Variants in NBEAL1 observed in about 807,000 individuals in gnomAD.
NBEAL1 encodes the protein neurobeachin like 1.
NBEAL1 carries 273 observed loss-of-function variants against 351.3 expected under a neutral mutation model. That is an observed-to-expected ratio of 0.78 (90% CI 0.70 to 0.86). The LOEUF is 0.86. Among genes scored for constraint, NBEAL1 ranks in the 40% least tolerant of loss-of-function variants. The pLI, the probability that NBEAL1 is intolerant of heterozygous loss-of-function variation, is 0.00. For synonymous variants in NBEAL1, 1,050 were observed against 1,086.4 expected (o/e 0.97, Z 0.66); for missense variants, 2,961 against 3,201.3 (o/e 0.92, Z 1.81).
chr2:203,054,181 T>A (rs921094028), intron 4 of NBEAL1, among the ~76,000 whole-genome samples: 4 of 152,128 alleles, frequency 2.6e-5, no homozygotes, highest in African/African-American at 9.7e-5. Flanking sequence ...ATCCCAGCAC[T>A]TTGGGAGGCT....
At chr2:203,115,960 GTA>G in intron 17 of NBEAL1, 23 bp from the exon 18 acceptor site, 1 of 1,452,572 alleles carries the variant, frequency 6.9e-7, no homozygotes, top group African/African-American at 1.4e-5. Flanking sequence ...TCAATGGTGT[GTA>G]TGTGTGTGTA....
At position 203,225,114 on chromosome 2, in the gene NBEAL1, A is replaced by G. The variant is rs2065993859; in HGVS notation, c.*7760A>G. Among the ~76,000 whole-genome samples the G allele has an allele frequency of 6.6e-6, 1 of 152,316 alleles. No individual in the cohort carries two copies. The highest frequency in any genetic ancestry group is 1.9e-4 in the East Asian group (1 of 5,194). ...ATTCTAATACTTTTTAAGAATGTCC[A>G]TTTATTTTGTACATAATAAATTAGC... On this transcript the variant is annotated 3_prime_UTR_variant, in exon 56 of 56. Coordinates refer to ENST00000683969, the MANE Select transcript of NBEAL1 (RefSeq NM_001378026.1).
intron 10 of NBEAL1, among the ~76,000 whole-genome samples, chr2:203,096,864 A>G (rs1337014164): frequency 6.6e-6 from 1 of 152,122 alleles, no homozygotes; most frequent in African/African-American, 2.4e-5. Flanking sequence ...TAACTATAGA[A>G]CCATACTGGG....
chr2:203,161,663 A>G lies in NBEAL1; in HGVS notation c.5714+3838A>G, dbSNP rs1017782805. 2.0e-4 allele frequency among the ~76,000 whole-genome samples: 30 copies of G among 150,010 alleles called. No individual in the cohort carries two copies. In the South Asian group the frequency reaches 4.5e-3, roughly 22 times the overall value. ...AATAAATAAATAAATAAATAAATAA[A>G]TAAATAAATAAATAAATAAAAGCCA... On this transcript the variant is annotated intron_variant, in intron 36 of 55. Transcript: ENST00000683969.
rs1261902234 is a variant in NBEAL1, at chr2:203,217,567, C to T, written c.*213C>T. ...ATTTGATTTGATTTTGTGGCCCATT[C>T]CTAAAGGTCATTGTATCCATTTTTA... On this transcript the variant is annotated 3_prime_UTR_variant, in exon 56 of 56. Coordinates refer to ENST00000683969, the MANE Select transcript of NBEAL1 (RefSeq NM_001378026.1). The T allele has an allele frequency of 1.7e-6, 2 of 1,151,430 alleles. No individual in the cohort carries two copies. Among genetic ancestry groups the T allele is most frequent in the African/African-American group, 3.2e-5 (2 of 62,484 alleles). 71.3% of individuals were successfully genotyped at this position (1,151,430 alleles called of 1,614,324 possible). A position where few individuals can be genotyped will look rare whatever the true frequency, so the allele number is the denominator to read the frequency against.
chr2:203,105,929 CCCTT>C (rs2106226818), intron 12 of NBEAL1, among the ~76,000 whole-genome samples: 2 of 152,184 alleles, frequency 1.3e-5, no homozygotes, highest in East Asian at 3.9e-4. Context: ...AAAATAATGA[CCCTT>C]TATTTAGTCA....
Position 203,213,631 on chromosome 2 carries a change from TG to T in NBEAL1, c.8051del (p.Gly2684ValfsTer49), listed in dbSNP as rs2065848161. The T allele has an allele frequency of 6.2e-7, 1 of 1,613,882 alleles. No individual in the cohort carries two copies. Among genetic ancestry groups the T allele is most frequent in the Non-Finnish European group, 8.5e-7 (1 of 1,179,974 alleles). ...VGLEDGKLIV[V>X]GVGKPAEMRS... is the part of the protein sequence containing the mutation. ...TTAGAAGATGGCAAATTGATTGTAG[TG>T]GGTGTTGGCAAGCCTGCTGAGGTAA... On this transcript the variant is annotated frameshift_variant, in exon 55 of 56. Transcript: ENST00000683969. LOFTEE classifies it high-confidence loss of function.
At chr2:203,118,306 A>G (rs2062746326) in intron 18 of NBEAL1, among the ~76,000 whole-genome samples, 1 of 152,276 alleles carries the variant, frequency 6.6e-6, no homozygotes, top group Middle Eastern at 3.4e-3. Flanking sequence ...TCTGTGTTCA[A>G]ATTTTTCCAA....
intron 10 of NBEAL1, among the ~76,000 whole-genome samples, chr2:203,088,851 G>A (rs1334198986): frequency 1.3e-5 from 2 of 152,272 alleles, no homozygotes; most frequent in East Asian, 3.9e-4. Flanking sequence ...AACAAGGGAT[G>A]GAGAGTTCCT....
Position 203,208,782 on chromosome 2 carries a change from T to C in NBEAL1, c.7623+29T>C, listed in dbSNP as rs765823624. The C allele has an allele frequency of 1.2e-5, 18 of 1,474,604 alleles. No homozygotes were observed. The East Asian group carries it at 3.9e-4, about 32-fold the overall frequency. 91.3% of individuals were successfully genotyped at this position (1,474,604 alleles called of 1,614,324 possible). On this transcript the variant is annotated intron_variant, in intron 52 of 55. Transcript: ENST00000683969. The stretch of plus-strand genomic sequence containing the variant: ...AGATTTCACCTTTAAGAAATACTAT[T>C]TATTTTGTCTACAAATTTATTACCA...
chr2:203,194,253 A>G (rs2065174843), intron 47 of NBEAL1, among the ~76,000 whole-genome samples: 1 of 152,218 alleles, frequency 6.6e-6, no homozygotes, highest in Admixed American at 6.5e-5. Flanking sequence ...ATGTCTGCTC[A>G]TATATAAAAT....
chr2:203,201,894 A>G (rs929493918), intron 50 of NBEAL1, among the ~76,000 whole-genome samples, 179 bp downstream of exon 50: 1 of 152,138 alleles, frequency 6.6e-6, no homozygotes, highest in Non-Finnish European at 1.5e-5. Flanking sequence ...TATTTTGGGT[A>G]TAATAAAGCA....
At position 203,190,467 on chromosome 2, in the gene NBEAL1, A is replaced by G. The variant is rs1414630738; in HGVS notation, c.6921+78A>G. 5.1e-6 allele frequency: 5 copies of G among 985,166 alleles called. No individual in the cohort carries two copies. In the South Asian group the frequency reaches 6.0e-5, roughly 12 times the overall value. The allele number at this position is 985,166 out of a possible 1,614,324, so 61.0% of individuals were successfully genotyped here. On this transcript the variant is annotated intron_variant, in intron 46 of 55. Coordinates refer to ENST00000683969, the MANE Select transcript of NBEAL1 (RefSeq NM_001378026.1). ...AGTACATAACAAAATATTGCAGTCA[A>G]GATCCATGTATATAGCCAGTTACTC...
chr2:203,074,455 G>A (rs1574933444), intron 7 of NBEAL1, among the ~76,000 whole-genome samples: 1 of 151,206 alleles, frequency 6.6e-6, no homozygotes, highest in Non-Finnish European at 1.5e-5. Context: ...AGCCTCTCGA[G>A]TAGCTGGGAT....
chr2:203,195,055 G>A (rs2065201161), intron 47 of NBEAL1, among the ~76,000 whole-genome samples: 1 of 151,752 alleles, frequency 6.6e-6, no homozygotes, highest in South Asian at 2.1e-4. Flanking sequence ...AAAATTAGCA[G>A]GGCATGGTGG....
At chr2:203,057,841 TTTTTTGTC>T (rs1456865463) in intron 6 of NBEAL1, among the ~76,000 whole-genome samples, 5 of 150,472 alleles carry the variant, frequency 3.3e-5, no homozygotes, top group East Asian at 3.9e-4. Context: ...TTTTTTTTGT[TTTTTTGTC>T]TTTTTGAGAC....
intron 10 of NBEAL1, 116 bp downstream of exon 10, chr2:203,084,685 T>G (rs533789412): frequency 2.0e-6 from 1 of 503,722 alleles, no homozygotes; most frequent in African/African-American, 2.0e-5. Flanking sequence ...TGTTTGCATT[T>G]AATTACATAA....
At chr2:203,077,577 G>A (rs2061798869) in intron 7 of NBEAL1, among the ~76,000 whole-genome samples, 175 bp from the exon 8 acceptor site, 1 of 152,114 alleles carries the variant, frequency 6.6e-6, no homozygotes, top group Non-Finnish European at 1.5e-5. Context: ...AATGCTATCT[G>A]GTAGATGGCT....
At chr2:203,178,477 A>G (rs997017189) in intron 42 of NBEAL1, among the ~76,000 whole-genome samples, 2 of 152,134 alleles carry the variant, frequency 1.3e-5, no homozygotes, top group Non-Finnish European at 2.9e-5. Context: ...ATACCCGTAT[A>G]ATTTATAACC....
Sources: gnomAD v4.1 joint callset for allele counts (sites outside exome capture counted in the v4.1 genomes callset) on GRCh38, gnomAD v4.1.1 for gene constraint, MANE v1.5 for transcripts, NCBI Gene and HGNC (gene_info 2026-07-23, HGNC 2026-07-21) for gene names.